The following YBEY variants were observed in gnomAD, a reference collection of about 807,000 sequenced individuals.
YBEY encodes the protein ybeY metalloendoribonuclease.
In YBEY, 15 loss-of-function variants were observed where a neutral mutation model predicts 13.5. The ratio of observed to expected loss-of-function variants is 1.11; its 90% confidence interval spans 0.75 to 1.72. YBEY has a LOEUF of 1.72. YBEY is among the 40% of genes most tolerant of loss of function. The pLI is 0.00. For missense variants in YBEY, 244 were observed against 208.4 expected (o/e 1.17, Z -1.05); for synonymous variants, 101 against 83.1 (o/e 1.21, Z -1.17).
chr21:46,291,524 C>A (rs1181132462), intron 3 of YBEY, 62 bp downstream of exon 3: 2 of 1,601,510 alleles, frequency 1.2e-6, no homozygotes, highest in Non-Finnish European at 1.7e-6. Flanking sequence ...GCAAAGGGGT[C>A]AAGATCACAA....
Position 46,297,709 on chromosome 21 carries a change from TAACG to T in YBEY, c.*78_*81del. The stretch of plus-strand genomic sequence containing the variant: ...GGAGCCGGGGTCGCACACGAATAAA[TAACG>T]AATGAACGTACGAGGGGAACCTCCT... On this transcript the variant is annotated 3_prime_UTR_variant, in exon 5 of 5. Transcript: ENST00000397701. 1 of 1,257,652 alleles carries T rather than the reference TAACG, an allele frequency of 8.0e-7. No homozygotes were observed. The highest frequency in any genetic ancestry group is 1.0e-6 in the Non-Finnish European group (1 of 992,348). The allele number at this position is 1,257,652 out of a possible 1,614,324, so 77.9% of individuals were successfully genotyped here. A position where few individuals can be genotyped will look rare whatever the true frequency, so the allele number is the denominator to read the frequency against.
At chr21:46,297,256 C>G (rs1002744702) in intron 4 of YBEY, among the ~76,000 whole-genome samples, 1 of 150,632 alleles carries the variant, frequency 6.6e-6, no homozygotes. Context: ...CCCTCCTCCC[C>G]TCCTCCCCCT....
chr21:46,286,924 T>C lies in YBEY; in HGVS notation c.11T>C (p.Val4Ala). ...GTTATTCTTCCTGAAATGAGTTTGG[T>C]GATTAGAAATCTGCAGCGAGTCATC... MSL[V>A]IRNLQRVIPI... Residue 4 changes from valine to alanine, a missense_variant, in exon 2 of 5, where the codon GTG (valine) becomes GCG (alanine). Val to Ala is a moderately conservative substitution (Grantham distance 64). Coordinates refer to ENST00000397701, the MANE Select transcript of YBEY (RefSeq NM_001314025.2). The C allele has an allele frequency of 6.2e-7, 1 of 1,613,884 alleles. No homozygotes were observed.
chr21:46,301,170 C>T, downstream of YBEY: 11 of 783,394 alleles, frequency 1.4e-5, 1 homozygote, highest in Non-Finnish European at 1.7e-5. Flanking sequence ...GAGACAGGGG[C>T]CTGCTCTGTG....
the YBEY span, among the ~76,000 whole-genome samples, chr21:46,307,362 T>G: frequency 2.6e-4 from 39 of 152,150 alleles, no homozygotes; most frequent in Admixed American, 2.1e-3. Flanking sequence ...CATACAAGCA[T>G]AGGCACACAC....
At chr21:46,300,982 G>T, downstream of YBEY, 1 of 780,226 alleles carries the variant, frequency 1.3e-6, no homozygotes. Context: ...TGAGGGGAGT[G>T]AGCCGCCCTT....
intron 3 of YBEY, 99 bp downstream of exon 3, chr21:46,291,561 A>G: frequency 6.4e-7 from 1 of 1,550,756 alleles, no homozygotes. Flanking sequence ...GTCCGTGGGT[A>G]CCGTAAGGGC....
chr21:46,286,996 G>A lies in YBEY; in HGVS notation c.83G>A (p.Arg28Lys). The change falls in exon 2 of 5, where the codon AGG becomes AAG. Residue 28 changes from arginine (R) to lysine (K), a missense_variant. By Grantham distance (26) the Arg-to-Lys change is conservative. Coordinates refer to ENST00000397701, the MANE Select transcript of YBEY (RefSeq NM_001314025.2). ...CGCAGTAAGATCGAGATTGTAAGGA[G>A]GATTTTAGGAGTGCAGAAATTTGAC... ...PLRSKIEIVRRILGVQKFDLG... is the reference protein window; with the variant it reads ...PLRSKIEIVRKILGVQKFDLG... 1 of 1,614,120 alleles carries A rather than the reference G, an allele frequency of 6.2e-7. No individual in the cohort carries two copies. Among genetic ancestry groups the A allele is most frequent in the East Asian group, 2.2e-5 (1 of 44,874 alleles).
At position 46,290,161 on chromosome 21, in the gene YBEY, T is replaced by C. The variant is rs576749604; in HGVS notation, c.211-1173T>C. 1.8e-3 allele frequency among the ~76,000 whole-genome samples: 269 copies of C among 152,346 alleles called. 1 individual carries two copies. The highest frequency in any genetic ancestry group is 0.011 in the South Asian group (55 of 4,828). ...CCCCAGCTCTATTTGTCAGGTTTTT[T>C]GGTTTGTTTGTATAACCCTAATGGC... On this transcript the variant is annotated intron_variant, in intron 2 of 4. Coordinates refer to ENST00000397701, the MANE Select transcript of YBEY (RefSeq NM_001314025.2).
chr21:46,312,836 C>T, the YBEY span, among the ~76,000 whole-genome samples: 1 of 152,352 alleles, frequency 6.6e-6, no homozygotes, highest in South Asian at 2.1e-4. Flanking sequence ...CCAGTGACCT[C>T]TCTATCCCAG....
At chr21:46,311,483 T>G in the YBEY span, 1 of 1,608,114 alleles carries the variant, frequency 6.2e-7, no homozygotes, top group Non-Finnish European at 8.5e-7. Flanking sequence ...GACCGTTGAG[T>G]AGGGAAGGCC....
rs2081709022 is a variant in YBEY at position 46,291,482 on chromosome 21, T to C, written c.339+20T>C. 6.2e-6 allele frequency: 10 copies of C among 1,612,634 alleles called. No individual in the cohort carries two copies. The highest frequency in any genetic ancestry group is 1.1e-5 in the South Asian group (1 of 90,860). ...CTGACTGTAAGCGGGGATGCTGAAA[T>C]CATATAACCTGGCTCATGGAACATG... On this transcript the variant is annotated intron_variant, in intron 3 of 4. Coordinates refer to ENST00000397701, the MANE Select transcript of YBEY (RefSeq NM_001314025.2).
At chr21:46,288,411 C>A (rs1176191193) in intron 2 of YBEY, among the ~76,000 whole-genome samples, 2 of 152,220 alleles carry the variant, frequency 1.3e-5, no homozygotes, top group African/African-American at 4.8e-5. Flanking sequence ...GGTGCAGTGG[C>A]TCACGCCTGT....
intron 3 of YBEY, among the ~76,000 whole-genome samples, chr21:46,295,574 G>T (rs1020473223): frequency 6.6e-6 from 1 of 151,784 alleles, no homozygotes; most frequent in South Asian, 2.1e-4. Context: ...CTCTCCAGGG[G>T]GACATGGCGA....
chr21:46,294,396 G>A (rs376180454), intron 3 of YBEY, among the ~76,000 whole-genome samples: 69 of 57,716 alleles, frequency 1.2e-3, no homozygotes, highest in Admixed American at 1.7e-3. Flanking sequence ...GACTCAGTGG[G>A]GACAGCCACA....
the YBEY span, among the ~76,000 whole-genome samples, chr21:46,309,334 C>T: frequency 2.6e-5 from 4 of 151,908 alleles, no homozygotes; most frequent in South Asian, 2.1e-4. Context: ...TGGTGGCAGG[C>T]GCCTGTAATC....
the YBEY span, among the ~76,000 whole-genome samples, chr21:46,303,537 C>T: frequency 6.6e-6 from 1 of 150,512 alleles, no homozygotes; most frequent in African/African-American, 2.4e-5. Flanking sequence ...TAAATGGACA[C>T]TTTACAAAAA....
chr21:46,300,690 G>T (rs752581304), downstream of YBEY: 168 of 1,283,834 alleles, frequency 1.3e-4, no homozygotes, highest in Non-Finnish European at 1.6e-4. Context: ...GCAGCTCAGT[G>T]GCAACTCTCT....
the YBEY span, among the ~76,000 whole-genome samples, chr21:46,310,507 A>C: frequency 7.5e-5 from 11 of 145,760 alleles, no homozygotes; most frequent in Admixed American, 2.0e-4. Flanking sequence ...TAAAAAAAAA[A>C]AACAAAACTT....
Sources: gnomAD v4.1 joint callset for allele counts (sites outside exome capture counted in the v4.1 genomes callset) on GRCh38, gnomAD v4.1.1 for gene constraint, MANE v1.5 for transcripts, NCBI Gene and HGNC (gene_info 2026-07-23, HGNC 2026-07-21) for gene names.